FMN1: variants seen among roughly 807,000 people sequenced by gnomAD.
FMN1 encodes the protein formin 1.
A neutral mutation model predicts 132.4 loss-of-function variants in FMN1; 110 were observed. That is an observed-to-expected ratio of 0.83 (90% CI 0.71 to 0.97). FMN1 has a LOEUF of 0.97. FMN1 is among the 50% of genes least tolerant of loss of function. The probability of loss-of-function intolerance (pLI) is 0.00; values close to 1 mark genes in which losing one functional copy is unlikely to be tolerated. For synonymous variants in FMN1, 722 were observed against 651.7 expected (o/e 1.11, Z -1.64); for missense variants, 1,792 against 1,705.3 (o/e 1.05, Z -0.90).
Position 33,153,632 on chromosome 15 carries a change from T to C in FMN1, c.1283A>G (p.Glu428Gly). 1 of 1,536,226 alleles carries C rather than the reference T, an allele frequency of 6.5e-7. No homozygotes were observed. Among genetic ancestry groups the C allele is most frequent in the South Asian group, 1.2e-5 (1 of 84,058 alleles). Residue 428 changes from glutamate to glycine, a missense_variant, in exon 4 of 21, where the codon GAG becomes GGG. By Grantham distance (98) the Glu-to-Gly change is moderately conservative. Around this residue, in one of 3 missense-constraint regions of FMN1, gnomAD observed 638 missense variants for 645.2 expected, o/e 0.99. Coordinates refer to ENST00000616417, the MANE Select transcript of FMN1 (RefSeq NM_001277313.2). ...CCCCTCAGGGGCTTCATCTAACTTC[T>C]CACTCTCTATCACCTTCAGGGGGAC... Reference protein sequence around the residue: ...NKVPLKVIESEKLDEAPEGKR... With the variant: ...NKVPLKVIESGKLDEAPEGKR...
intron 15 of FMN1, 99 bp downstream of exon 15, chr15:32,898,735 T>C (rs929756234): frequency 1.3e-5 from 10 of 767,368 alleles, no homozygotes; most frequent in Middle Eastern, 2.3e-4. Flanking sequence ...ATATTCTATG[T>C]TGGGCTTGCA....
intron 19 of FMN1, among the ~76,000 whole-genome samples, chr15:32,779,363 G>A (rs2056590707): frequency 6.6e-6 from 1 of 152,174 alleles, no homozygotes. Context: ...AATTCAGCAT[G>A]ATAGTATTTC....
chr15:33,031,207 T>C (rs1490473764), intron 6 of FMN1, among the ~76,000 whole-genome samples: 3 of 152,176 alleles, frequency 2.0e-5, no homozygotes. Flanking sequence ...AGAATCTATA[T>C]ACTCTTAATG....
At chr15:33,162,091 A>G (rs1209352223) in intron 3 of FMN1, among the ~76,000 whole-genome samples, 1 of 151,960 alleles carries the variant, frequency 6.6e-6, no homozygotes, top group African/African-American at 2.4e-5. Context: ...AGCTCACTGC[A>G]ACCTCCAGCT....
intron 4 of FMN1, among the ~76,000 whole-genome samples, chr15:33,093,190 AGAG>A (rs2038962737): frequency 6.6e-6 from 1 of 152,226 alleles, no homozygotes; most frequent in East Asian, 1.9e-4. Flanking sequence ...GCATCCAGAA[AGAG>A]GAGAGAAAAA....
chr15:33,061,470 T>TTA (rs2037480014), intron 6 of FMN1, among the ~76,000 whole-genome samples: 1 of 152,018 alleles, frequency 6.6e-6, no homozygotes, highest in Non-Finnish European at 1.5e-5. Context: ...TACCATACAT[T>TTA]TAATTTGCTG....
chr15:32,913,900 G>A (rs2060621915), intron 10 of FMN1, among the ~76,000 whole-genome samples: 1 of 152,098 alleles, frequency 6.6e-6, no homozygotes, highest in South Asian at 2.1e-4. Flanking sequence ...AAAGCTTCTT[G>A]ACAAAGAGAA....
intron 6 of FMN1, among the ~76,000 whole-genome samples, chr15:33,023,236 G>T (rs1434069562): frequency 7.0e-6 from 1 of 141,956 alleles, no homozygotes. Context: ...AAACAAATAA[G>T]GGTAAAGGGG....
At chr15:33,008,193 T>C in intron 6 of FMN1, 118 bp from the exon 7 acceptor site, 1 of 757,006 alleles carries the variant, frequency 1.3e-6, no homozygotes, top group Non-Finnish European at 2.2e-6. Flanking sequence ...GACATCAACC[T>C]TACAAGAGAT....
chr15:33,090,080 G>T (rs893350086), intron 4 of FMN1, among the ~76,000 whole-genome samples: 2 of 152,182 alleles, frequency 1.3e-5, no homozygotes, highest in Non-Finnish European at 2.9e-5. Context: ...GTTTCATACA[G>T]CACTCAAGTT....
chr15:33,091,304 C>A (rs968394150), intron 4 of FMN1, among the ~76,000 whole-genome samples: 2 of 152,198 alleles, frequency 1.3e-5, no homozygotes, highest in Non-Finnish European at 2.9e-5. Flanking sequence ...TGCAAACACA[C>A]ATGCAAACCC....
rs61744880 is a variant in FMN1 at position 33,154,100 on chromosome 15, C to G, written c.815G>C (p.Ser272Thr). The G allele has an allele frequency of 0.022, 34,314 of 1,536,298 alleles. 541 individuals carry two copies. The highest frequency in any genetic ancestry group is 0.046 in the South Asian group (3,894 of 84,058). Residue 272 changes from serine (S) to threonine (T), a missense_variant, in exon 4 of 21, where the codon AGC (serine) becomes ACC (threonine). By Grantham distance (58) the Ser-to-Thr change is moderately conservative (BLOSUM62 1). Around this residue, in one of 3 missense-constraint regions of FMN1, gnomAD observed 638 missense variants for 645.2 expected, o/e 0.99. Transcript: ENST00000616417. ...LGREVLPPDCSSTEAGGDGIR... is the reference protein window; with the variant it reads ...LGREVLPPDCTSTEAGGDGIR... ...GCCATCCCCTCCTGCCTCTGTGGAG[C>G]TGCAGTCAGGGGGCAGCACTTCTCT...
At chr15:32,925,044 T>C (rs1250630461) in intron 10 of FMN1, among the ~76,000 whole-genome samples, 1 of 152,220 alleles carries the variant, frequency 6.6e-6, no homozygotes, top group Non-Finnish European at 1.5e-5. Flanking sequence ...GGTCTACTTT[T>C]CTAGATACTA....
chr15:32,878,685 TATATGAGG>T (rs1020947074), intron 16 of FMN1, among the ~76,000 whole-genome samples: 4 of 152,200 alleles, frequency 2.6e-5, no homozygotes, highest in African/African-American at 4.8e-5. Context: ...CACTCATTTT[TATATGAGG>T]ATACTGAAAT....
At chr15:32,876,267 T>C (rs1318283300) in intron 16 of FMN1, among the ~76,000 whole-genome samples, 1 of 152,192 alleles carries the variant, frequency 6.6e-6, no homozygotes, top group Non-Finnish European at 1.5e-5. Context: ...AAACCAGATA[T>C]ATGACTGTCA....
chr15:33,082,053 GTA>G (rs1367521073), intron 5 of FMN1, among the ~76,000 whole-genome samples: 2 of 134,464 alleles, frequency 1.5e-5, no homozygotes, highest in Non-Finnish European at 3.3e-5. Context: ...GTGTGTGTGT[GTA>G]AGACGGAGTC....
At chr15:32,874,189 T>C (rs1567307234) in intron 16 of FMN1, among the ~76,000 whole-genome samples, 1 of 151,828 alleles carries the variant, frequency 6.6e-6, no homozygotes, top group Non-Finnish European at 1.5e-5. Context: ...GCCCAGCTAA[T>C]TTTTTGTACT....
intron 10 of FMN1, among the ~76,000 whole-genome samples, chr15:32,922,156 T>C (rs984898676): frequency 6.6e-6 from 1 of 152,138 alleles, no homozygotes; most frequent in Non-Finnish European, 1.5e-5. Flanking sequence ...CTGAGGATGT[T>C]AGAGCCTGAT....
rs183665458 is a variant in FMN1 at position 32,858,528 on chromosome 15, G to A, written c.3836-1421C>T. Among the ~76,000 whole-genome samples, 8 of 152,302 alleles carry A rather than the reference G, an allele frequency of 5.3e-5. No homozygotes were observed. The East Asian group carries it at 1.4e-3, about 26-fold the overall frequency. ...AGGGATGCTAGGTCACAGGACAGGGGTACCGAAATTCAAGCTCTATCTATT... is the reference window on the plus strand; with the variant it reads ...AGGGATGCTAGGTCACAGGACAGGGATACCGAAATTCAAGCTCTATCTATT... On this transcript the variant is annotated intron_variant, in intron 16 of 20. Coordinates refer to ENST00000616417, the MANE Select transcript of FMN1 (RefSeq NM_001277313.2).
Sources: gnomAD v4.1 joint callset for allele counts (sites outside exome capture counted in the v4.1 genomes callset) on GRCh38, gnomAD v4.1.1 for gene constraint, gnomAD v4.1.1 regional missense constraint, MANE v1.5 for transcripts, NCBI Gene and HGNC (gene_info 2026-07-23, HGNC 2026-07-21) for gene names.